The following NCKAP5 variants were observed in gnomAD, a reference collection of about 807,000 sequenced individuals.
The protein encoded by NCKAP5 is NCK associated protein 5.
A neutral mutation model predicts 167.0 loss-of-function variants in NCKAP5; 92 were observed. That is an observed-to-expected ratio of 0.55 (90% confidence interval 0.47 to 0.66). The LOEUF (loss-of-function observed/expected upper bound fraction) is 0.66, where lower values mean the gene tolerates loss of function less well. Ranked by LOEUF, NCKAP5 falls within the 30% of genes least tolerant of loss-of-function variation. NCKAP5 has a pLI of 0.00. For missense variants in NCKAP5, 2,378 were observed against 2,315.0 expected (o/e 1.03, Z -0.56); for synonymous variants, 891 against 877.4 (o/e 1.02, Z -0.27).
intron 5 of NCKAP5, among the ~76,000 whole-genome samples, chr2:133,130,807 A>C (rs2082574828): frequency 6.6e-6 from 1 of 151,968 alleles, no homozygotes; most frequent in African/African-American, 2.4e-5. Flanking sequence ...GATAGCACTG[A>C]GTCAGCTACA....
At chr2:133,523,258 T>C (rs1033696914) in intron 2 of NCKAP5, among the ~76,000 whole-genome samples, 6 of 151,676 alleles carry the variant, frequency 4.0e-5, no homozygotes, top group Admixed American at 2.0e-4. Flanking sequence ...AACCGCACCA[T>C]TGAATAAAAT....
At chr2:133,253,030 A>C (rs2088431054) in intron 4 of NCKAP5, among the ~76,000 whole-genome samples, 1 of 152,218 alleles carries the variant, frequency 6.6e-6, no homozygotes, top group African/African-American at 2.4e-5. Context: ...GAGAATAATG[A>C]ATCCTGTGTT....
At chr2:133,338,159 T>C (rs1683338129) in intron 3 of NCKAP5, among the ~76,000 whole-genome samples, 1 of 152,196 alleles carries the variant, frequency 6.6e-6, no homozygotes, top group African/African-American at 2.4e-5. Flanking sequence ...AATTTCATAA[T>C]TTGGTTAAGA....
intron 6 of NCKAP5, among the ~76,000 whole-genome samples, chr2:133,013,370 A>G (rs1378565779): frequency 2.6e-5 from 4 of 152,238 alleles, no homozygotes; most frequent in Non-Finnish European, 1.5e-5. Context: ...CAATTTACAA[A>G]AGATAAACAT....
chr2:133,143,316 T>G (rs1269498211), intron 5 of NCKAP5, among the ~76,000 whole-genome samples: 1 of 152,142 alleles, frequency 6.6e-6, no homozygotes, highest in African/African-American at 2.4e-5. Flanking sequence ...CTCATCCACG[T>G]GCAAATACCT....
At chr2:132,712,918 T>C (rs1689001200) in intron 19 of NCKAP5, among the ~76,000 whole-genome samples, 1 of 152,092 alleles carries the variant, frequency 6.6e-6, no homozygotes, top group Admixed American at 6.6e-5. Context: ...TGCTGGGAAT[T>C]GATTCCATAG....
chr2:133,670,141 G>A, the NCKAP5 span, among the ~76,000 whole-genome samples: 3 of 152,228 alleles, frequency 2.0e-5, no homozygotes, highest in African/African-American at 7.2e-5. Context: ...ACTTGGGGAA[G>A]CCACTTTACT....
chr2:133,283,858 G>A (rs1262412655), intron 4 of NCKAP5, among the ~76,000 whole-genome samples: 3 of 151,994 alleles, frequency 2.0e-5, no homozygotes, highest in Non-Finnish European at 4.4e-5. Flanking sequence ...TGATCCGCCC[G>A]CCTCGGCCTC....
chr2:133,649,641 A>G, the NCKAP5 span, among the ~76,000 whole-genome samples: 2 of 152,182 alleles, frequency 1.3e-5, no homozygotes, highest in Non-Finnish European at 2.9e-5. Flanking sequence ...TTAAAATCAT[A>G]TAATTATTTC....
intron 2 of NCKAP5, among the ~76,000 whole-genome samples, chr2:133,531,280 TTCAA>T (rs2104828343): frequency 6.6e-6 from 1 of 152,324 alleles, no homozygotes; most frequent in East Asian, 1.9e-4. Context: ...AATAAATTAC[TTCAA>T]TCATTAATTT....
At chr2:133,623,953 C>T in the NCKAP5 span, among the ~76,000 whole-genome samples, 9 of 152,012 alleles carry the variant, frequency 5.9e-5, no homozygotes, top group Admixed American at 2.0e-4. Flanking sequence ...TGGAATACTA[C>T]GCAGCCATAA....
chr2:133,419,018 G>T (rs1339298363), intron 3 of NCKAP5, among the ~76,000 whole-genome samples: 1 of 152,158 alleles, frequency 6.6e-6, no homozygotes, highest in Non-Finnish European at 1.5e-5. Context: ...TGTGTCCCAA[G>T]CAGATTTGCA....
the NCKAP5 span, among the ~76,000 whole-genome samples, chr2:133,653,676 A>C: frequency 6.6e-6 from 1 of 152,230 alleles, no homozygotes; most frequent in Non-Finnish European, 1.5e-5. Flanking sequence ...CATTTTAAAG[A>C]CTTGATTCAA....
intron 8 of NCKAP5, among the ~76,000 whole-genome samples, chr2:132,963,489 G>A (rs2076576734): frequency 6.6e-6 from 1 of 152,164 alleles, no homozygotes; most frequent in African/African-American, 2.4e-5. Flanking sequence ...CTGAATTTAA[G>A]TTAAAATCAA....
At chr2:133,639,858 C>T in the NCKAP5 span, among the ~76,000 whole-genome samples, 2 of 152,016 alleles carry the variant, frequency 1.3e-5, no homozygotes, top group South Asian at 2.1e-4. Flanking sequence ...ACTAAATGAC[C>T]ATCAATAGGA....
At chr2:132,723,457 C>T (rs187472774) in intron 19 of NCKAP5, among the ~76,000 whole-genome samples, 14 of 152,140 alleles carry the variant, frequency 9.2e-5, no homozygotes, top group East Asian at 1.9e-4. Flanking sequence ...CCACCGCGCC[C>T]GGCCATTAGG....
At chr2:133,576,636 C>G in the NCKAP5 span, among the ~76,000 whole-genome samples, 64 of 152,288 alleles carry the variant, frequency 4.2e-4, no homozygotes, top group East Asian at 0.012. Context: ...ATTTCCACCT[C>G]TGTTTTGATA....
intron 19 of NCKAP5, among the ~76,000 whole-genome samples, chr2:132,696,733 A>C (rs935962448): frequency 6.6e-6 from 1 of 152,186 alleles, no homozygotes; most frequent in Non-Finnish European, 1.5e-5. Context: ...CTCAAAACTC[A>C]AGAAGAAATT....
rs13425527 is a variant in NCKAP5, at chr2:132,964,907, G to A, written c.430-1038C>T. Among the ~76,000 whole-genome samples, 694 of 151,964 alleles carry A rather than the reference G, an allele frequency of 4.6e-3. 2 individuals are homozygous for A. The highest frequency in any genetic ancestry group is 0.016 in the African/African-American group (663 of 41,482). On this transcript the variant is annotated intron_variant, in intron 7 of 19. Coordinates refer to ENST00000409261, the MANE Select transcript of NCKAP5 (RefSeq NM_207363.3). ...ATAAGAAGAAAAAAAAAACCACGGC[G>A]TTTTCAAACTGTGCTCATCAAGGTA...
Sources: allele counts gnomAD v4.1 joint callset (sites outside exome capture counted in the v4.1 genomes callset), GRCh38; gene constraint gnomAD v4.1.1; transcripts MANE v1.5; gene names NCBI Gene and HGNC (gene_info 2026-07-23, HGNC 2026-07-21).